The following CPED1 variants were observed in gnomAD, a reference collection of about 807,000 sequenced individuals.
CPED1 encodes cadherin like and PC-esterase domain containing 1.
Under a neutral mutation model 128.2 loss-of-function variants are expected in CPED1, and 114 were observed. The ratio of observed to expected loss-of-function variants is 0.89; its 90% CI spans 0.76 to 1.04. The LOEUF is 1.04. Among genes scored for constraint, CPED1 ranks in the 50% least tolerant of loss-of-function variants. The probability of loss-of-function intolerance (pLI) is 0.00; values close to 1 mark genes in which losing one functional copy is unlikely to be tolerated. For synonymous variants in CPED1, 462 were observed against 426.7 expected, an observed-to-expected ratio of 1.08 and a Z score of -1.02; for missense variants, 1,211 against 1,207.1, an observed-to-expected ratio of 1.00 and a Z score of -0.05.
intron 2 of CPED1, among the ~76,000 whole-genome samples, chr7:121,014,911 C>CT (rs1792260663): frequency 6.6e-6 from 1 of 152,154 alleles, no homozygotes; most frequent in African/African-American, 2.4e-5. Context: ...TCAGAAAAAA[C>CT]TGAGTGTCTG....
intron 7 of CPED1, among the ~76,000 whole-genome samples, chr7:121,104,166 A>G (rs1794915660): frequency 6.6e-6 from 1 of 152,126 alleles, no homozygotes; most frequent in African/African-American, 2.4e-5. Context: ...TGTTAAGACA[A>G]TATCATTTAC....
intron 3 of CPED1, among the ~76,000 whole-genome samples, chr7:121,042,626 T>C (rs1009285267): frequency 6.6e-6 from 1 of 152,164 alleles, no homozygotes; most frequent in African/African-American, 2.4e-5. Context: ...GTATCCAAAT[T>C]CTCTTCCCAC....
intron 22 of CPED1, among the ~76,000 whole-genome samples, chr7:121,280,872 A>C (rs1174252390): frequency 1.3e-5 from 2 of 152,192 alleles, no homozygotes; most frequent in East Asian, 3.9e-4. Flanking sequence ...ATTGAATGCC[A>C]TCTGCAGAAT....
At position 121,135,449 on chromosome 7, in the gene CPED1, T is replaced by C; in HGVS notation, c.1649-591T>C. On this transcript the variant is annotated intron_variant, in intron 13 of 22. Coordinates refer to ENST00000310396, the MANE Select transcript of CPED1 (RefSeq NM_024913.5). ...GGTGATGAGACCCAGCGATTTGTCT[T>C]TTAACAAGCCCTTCAGATGATTCTG... is the stretch of plus-strand genomic sequence containing the variant. 1.3e-5 allele frequency among the ~76,000 whole-genome samples: 2 copies of C among 152,044 alleles called. 1 individual carries two copies. Among genetic ancestry groups the C allele is most frequent in the East Asian group, 3.9e-4 (2 of 5,176 alleles).
chr7:121,187,249 A>G (rs1396058156), intron 16 of CPED1, among the ~76,000 whole-genome samples: 1 of 152,220 alleles, frequency 6.6e-6, no homozygotes, highest in African/African-American at 2.4e-5. Context: ...GTAGGTCGGT[A>G]GGATTGTCAG....
rs138604276 is a variant in CPED1, at chr7:121,014,528, C to T, written c.250-1137C>T. 8.7e-3 allele frequency among the ~76,000 whole-genome samples: 1,168 copies of T among 134,222 alleles called. 13 individuals are homozygous for T. Among genetic ancestry groups the T allele is most frequent in the Middle Eastern group, 0.036 (7 of 192 alleles). The allele number at this position is 134,222 out of a possible 152,430, so 88.1% of individuals were successfully genotyped here. A position where few individuals can be genotyped will look rare whatever the true frequency, so the allele number is the denominator to read the frequency against. ...TTGCACCACTGCACTCCAGCCTGGGCGACAGAGCGAGACTTTGTCTCAAAA... is the reference window on the plus strand; with the variant it reads ...TTGCACCACTGCACTCCAGCCTGGGTGACAGAGCGAGACTTTGTCTCAAAA... On this transcript the variant is annotated intron_variant, in intron 2 of 22. Coordinates refer to ENST00000310396, the MANE Select transcript of CPED1 (RefSeq NM_024913.5).
At chr7:121,096,362 A>G (rs1794698816) in intron 5 of CPED1, among the ~76,000 whole-genome samples, 1 of 152,168 alleles carries the variant, frequency 6.6e-6, no homozygotes, top group South Asian at 2.1e-4. Flanking sequence ...CAAAGGGGAA[A>G]AATAATTTAA....
intron 7 of CPED1, among the ~76,000 whole-genome samples, 200 bp from the exon 8 acceptor site, chr7:121,124,131 T>C (rs892796672): frequency 3.9e-5 from 6 of 152,158 alleles, no homozygotes; most frequent in Non-Finnish European, 7.4e-5. Flanking sequence ...TCTAAAGAAA[T>C]TTAAATTACA....
intron 3 of CPED1, among the ~76,000 whole-genome samples, chr7:121,027,780 G>T (rs892770370): frequency 7.8e-6 from 1 of 128,734 alleles, no homozygotes; most frequent in African/African-American, 2.9e-5. Context: ...TAATAATAAT[G>T]AGTTTCAGCT....
chr7:121,288,006 G>A (rs1414490788), intron 22 of CPED1, among the ~76,000 whole-genome samples: 2 of 152,006 alleles, frequency 1.3e-5, no homozygotes, highest in African/African-American at 4.8e-5. Flanking sequence ...TGGATTTTCA[G>A]GGTAAACAAT....
intron 16 of CPED1, among the ~76,000 whole-genome samples, chr7:121,223,554 C>T (rs180747460): frequency 1.3e-5 from 2 of 151,960 alleles, no homozygotes; most frequent in East Asian, 3.9e-4. Context: ...TCTTTTTACC[C>T]CTGTTAGAAT....
chr7:121,241,470 T>C (rs1563076169), intron 17 of CPED1, among the ~76,000 whole-genome samples: 1 of 148,966 alleles, frequency 6.7e-6, no homozygotes, highest in Non-Finnish European at 1.5e-5. Flanking sequence ...CCAGCATCTC[T>C]CCTAAATTTT....
At chr7:121,010,752 T>TCCCA (rs1792142418) in intron 2 of CPED1, among the ~76,000 whole-genome samples, 2 of 152,164 alleles carry the variant, frequency 1.3e-5, no homozygotes, top group Admixed American at 1.3e-4. Context: ...CAGCTTGAGA[T>TCCCA]TCAGTTAAGT....
chr7:121,035,321 TAGA>T (rs1215132532), intron 3 of CPED1, among the ~76,000 whole-genome samples: 4 of 152,132 alleles, frequency 2.6e-5, no homozygotes, highest in Admixed American at 6.5e-5. Context: ...GAAAAATAAT[TAGA>T]AGCAGGAAGA....
chr7:121,140,613 A>G (rs1256769776), intron 14 of CPED1, among the ~76,000 whole-genome samples: 1 of 152,076 alleles, frequency 6.6e-6, no homozygotes, highest in African/African-American at 2.4e-5. Context: ...TAAAGTCAAC[A>G]GCTGTTATAT....
At chr7:121,030,071 T>C (rs1241310109) in intron 3 of CPED1, among the ~76,000 whole-genome samples, 1 of 152,076 alleles carries the variant, frequency 6.6e-6, no homozygotes, top group Non-Finnish European at 1.5e-5. Context: ...AAGTGAAAAT[T>C]ACTCCAAATT....
intron 10 of CPED1, among the ~76,000 whole-genome samples, 164 bp from the exon 11 acceptor site, chr7:121,128,218 A>G (rs1795555697): frequency 6.6e-6 from 1 of 152,178 alleles, no homozygotes; most frequent in Non-Finnish European, 1.5e-5. Context: ...TTATATTCAG[A>G]CACCACTGTG....
chr7:121,271,886 TC>T (rs1179242444), intron 22 of CPED1, among the ~76,000 whole-genome samples: 1 of 151,988 alleles, frequency 6.6e-6, no homozygotes, highest in East Asian at 1.9e-4. Flanking sequence ...TTGGTTAGGG[TC>T]CCCCCACCCA....
chr7:121,037,952 G>A (rs1014383363), intron 3 of CPED1, among the ~76,000 whole-genome samples: 1 of 152,110 alleles, frequency 6.6e-6, no homozygotes, highest in African/African-American at 2.4e-5. Context: ...CACTGTTGGT[G>A]TACAGCAGAG....
Sources: gnomAD v4.1 joint callset for allele counts (sites outside exome capture counted in the v4.1 genomes callset) on GRCh38, gnomAD v4.1.1 for gene constraint, MANE v1.5 for transcripts, NCBI Gene and HGNC (gene_info 2026-07-23, HGNC 2026-07-21) for gene names.